The following PSMD14 variants were observed in gnomAD, a reference collection of about 807,000 sequenced individuals.
PSMD14 encodes ubiquitin C-terminal hydrolase PSMD14.
PSMD14 carries 7 observed loss-of-function variants against 41.2 expected under a neutral mutation model. That is an observed-to-expected ratio of 0.17 (90% CI 0.10 to 0.32). The LOEUF is 0.32. Ranked by LOEUF, PSMD14 falls within the 10% of genes least tolerant of loss-of-function variation. The pLI, the probability that PSMD14 is intolerant of heterozygous loss-of-function variation, is 1.00. For missense variants in PSMD14, 139 were observed against 375.6 expected (o/e 0.37, Z 5.21); for synonymous variants, 114 against 122.3 (o/e 0.93, Z 0.45).
In PSMD14 at chr2:161,381,437, AAGAG is replaced by A. The variant is rs1156985715; in HGVS notation, c.463-4019_463-4016del. ...AACTGGACCAAAGGCAACTACTGAA[AAGAG>A]AGAGAGAAAAAAATTACAGCTACTG... On this transcript the variant is annotated intron_variant, in intron 7 of 11. Transcript: ENST00000409682. The A allele has an allele frequency of 4.6e-5, 7 of 151,788 alleles. No individual in the cohort carries two copies. The South Asian group carries it at 1.5e-3, about 31-fold the overall frequency. The allele number at this position is 151,788 out of a possible 1,614,324, so 9.4% of individuals were successfully genotyped here.
intron 3 of PSMD14, among the ~76,000 whole-genome samples, chr2:161,353,493 G>A (rs1192404589): frequency 6.6e-6 from 1 of 152,138 alleles, no homozygotes; most frequent in Non-Finnish European, 1.5e-5. Context: ...GCTTTGAGTG[G>A]TAATGTGTTT....
chr2:161,353,223 C>T (rs1359200997), intron 3 of PSMD14, among the ~76,000 whole-genome samples: 1 of 152,024 alleles, frequency 6.6e-6, no homozygotes, highest in Non-Finnish European at 1.5e-5. Context: ...TCATCTTATC[C>T]TTCAAATATT....
intron 3 of PSMD14, among the ~76,000 whole-genome samples, chr2:161,346,712 G>T (rs1038711532): frequency 3.3e-5 from 5 of 151,294 alleles, no homozygotes; most frequent in African/African-American, 1.2e-4. Flanking sequence ...CCTTGTTTAG[G>T]AGTCATTATT....
At chr2:161,393,118 T>G (rs1226703232) in intron 9 of PSMD14, among the ~76,000 whole-genome samples, 1 of 152,212 alleles carries the variant, frequency 6.6e-6, no homozygotes, top group Non-Finnish European at 1.5e-5. Flanking sequence ...ACTTGTTTAC[T>G]TAACCCCCAG....
chr2:161,348,424 C>T (rs921370291), intron 3 of PSMD14, among the ~76,000 whole-genome samples: 40 of 152,108 alleles, frequency 2.6e-4, no homozygotes, highest in Non-Finnish European at 7.4e-5. Context: ...GCTGGTTTGC[C>T]GATAGGTTGT....
At chr2:161,332,647 C>T (rs529225997) in intron 3 of PSMD14, among the ~76,000 whole-genome samples, 2 of 152,194 alleles carry the variant, frequency 1.3e-5, no homozygotes, top group African/African-American at 4.8e-5. Flanking sequence ...AAGTATTACA[C>T]TGCTTAATGC....
At position 161,395,199 on chromosome 2, in the gene PSMD14, A is replaced by G. The variant is rs1683776545; in HGVS notation, c.767A>G (p.Asn256Ser). 8 of 1,582,966 alleles carry G rather than the reference A, an allele frequency of 5.1e-6. No individual in the cohort carries two copies. Among genetic ancestry groups the G allele is most frequent in the Middle Eastern group, 1.7e-4 (1 of 6,010 alleles). Residue 256 changes from asparagine (N) to serine (S), a missense_variant, in exon 10 of 12, where the codon AAT (asparagine) becomes AGT (serine). By Grantham distance (46) the Asn-to-Ser change is conservative. Around this residue, in one of 4 missense-constraint regions of PSMD14, gnomAD observed 80 missense variants for 138.1 expected, o/e 0.58. Transcript: ENST00000409682. ...KEMLELAKNY[N>S]KAVEEEDKMT... ...ATGTTGGAATTAGCCAAGAATTACA[A>G]TAAGGTAAAAGTTACTTCTGCCATT... is the stretch of plus-strand genomic sequence containing the variant.
chr2:161,393,629 T>G (rs1021880896), intron 9 of PSMD14, among the ~76,000 whole-genome samples: 1 of 152,198 alleles, frequency 6.6e-6, no homozygotes, highest in African/African-American at 2.4e-5. Flanking sequence ...ATCTTCAGAT[T>G]CTTATGGCTC....
At chr2:161,334,099 G>A (rs946786805) in intron 3 of PSMD14, among the ~76,000 whole-genome samples, 3 of 152,184 alleles carry the variant, frequency 2.0e-5, no homozygotes, top group Non-Finnish European at 4.4e-5. Flanking sequence ...TTGGGAGGCT[G>A]AGGTGGGCGG....
Position 161,367,837 on chromosome 2 carries a change from T to A in PSMD14, c.174T>A (p.Leu58=), listed in dbSNP as rs1683379951. Residue 58 remains leucine, a synonymous_variant, in exon 5 of 12, where the codon CTT becomes CTA. Transcript: ENST00000409682. The stretch of plus-strand genomic sequence containing the variant: ...CAATGGAAGTTATGGGTTTGATGCT[T>A]GGAGAATTTGTTGATGATTATACCG... ...GVPMEVMGLM[L]GEFVDDYTVR... is the part of the protein sequence containing the mutation. The A allele has an allele frequency of 6.2e-7, 1 of 1,613,588 alleles. No individual in the cohort carries two copies. Among genetic ancestry groups the A allele is most frequent in the Non-Finnish European group, 8.5e-7 (1 of 1,179,614 alleles).
chr2:161,380,503 T>C (rs534988581), intron 7 of PSMD14, among the ~76,000 whole-genome samples: 1 of 152,004 alleles, frequency 6.6e-6, no homozygotes, highest in African/African-American at 2.4e-5. Flanking sequence ...AAGTAAATTA[T>C]GCAAGTTACA....
intron 8 of PSMD14, among the ~76,000 whole-genome samples, chr2:161,385,812 G>A (rs1172459647): frequency 6.6e-6 from 1 of 151,640 alleles, no homozygotes; most frequent in African/African-American, 2.4e-5. Flanking sequence ...TGGGAGCATA[G>A]TAGATCTTTT....
chr2:161,367,746 G>A (rs541260917), intron 4 of PSMD14, 38 bp from the exon 5 acceptor site: 25 of 1,600,350 alleles, frequency 1.6e-5, no homozygotes, highest in African/African-American at 1.5e-4. Flanking sequence ...AGACCTCAAC[G>A]AAATTTGCTT....
intron 10 of PSMD14, among the ~76,000 whole-genome samples, chr2:161,399,835 A>C (rs1486892348): frequency 6.6e-6 from 1 of 152,226 alleles, no homozygotes; most frequent in Non-Finnish European, 1.5e-5. Context: ...TCTTTAAACC[A>C]CATGTTCTCT....
chr2:161,398,538 A>AT (rs528096563), intron 10 of PSMD14, among the ~76,000 whole-genome samples: 68 of 151,112 alleles, frequency 4.5e-4, no homozygotes, highest in South Asian at 1.3e-3. Context: ...TGCATCTGCT[A>AT]TTTTTTTTTA....
At chr2:161,355,506 T>C (rs1185702044) in intron 3 of PSMD14, among the ~76,000 whole-genome samples, 1 of 152,154 alleles carries the variant, frequency 6.6e-6, no homozygotes, top group Non-Finnish European at 1.5e-5. Flanking sequence ...TGAAAAGCAA[T>C]GCATCATTAT....
intron 3 of PSMD14, among the ~76,000 whole-genome samples, chr2:161,348,711 A>G (rs1683078763): frequency 6.6e-6 from 1 of 152,208 alleles, no homozygotes; most frequent in African/African-American, 2.4e-5. Flanking sequence ...GATCACTAAG[A>G]TGAGAATAGC....
chr2:161,379,020 C>T (rs1683539818), intron 7 of PSMD14, among the ~76,000 whole-genome samples: 1 of 151,998 alleles, frequency 6.6e-6, no homozygotes. Context: ...TGTTACAGCA[C>T]AAGCAATGTA....
intron 3 of PSMD14, among the ~76,000 whole-genome samples, chr2:161,343,233 C>G (rs1386879061): frequency 2.6e-5 from 4 of 152,190 alleles, no homozygotes; most frequent in African/African-American, 7.2e-5. Flanking sequence ...TCTTCCACCC[C>G]CTCATCCCTT....
Sources: allele counts gnomAD v4.1 joint callset (sites outside exome capture counted in the v4.1 genomes callset), GRCh38; gene constraint gnomAD v4.1.1; regional missense constraint gnomAD v4.1.1; transcripts MANE v1.5; gene names NCBI Gene and HGNC (gene_info 2026-07-23, HGNC 2026-07-21).